REPS2: variants seen among roughly 807,000 people sequenced by gnomAD.
The protein encoded by REPS2 is RALBP1 associated Eps domain containing 2, also known as ralBP1-associated Eps domain-containing protein 2.
A neutral mutation model predicts 53.6 loss-of-function variants in REPS2; 23 were observed. The observed-to-expected ratio is 0.43, with a 90% CI of 0.31 to 0.61. The LOEUF is 0.61. Among genes scored for constraint, REPS2 ranks in the 20% least tolerant of loss-of-function variants. REPS2 has a pLI of 0.11. For missense variants in REPS2, 446 were observed against 534.9 expected (o/e 0.83, Z 1.64); for synonymous variants, 238 against 218.6 (o/e 1.09, Z -0.78).
intron 16 of REPS2, chrX:17,137,548 T>C (rs1294388705): frequency 8.9e-6 from 1 of 112,438 alleles, no homozygotes; most frequent in Non-Finnish European, 1.9e-5. Context: ...ATGAGAAAAT[T>C]GAGCCCTCTT....
chrX:17,129,044 C>T (rs2063257578), intron 14 of REPS2, among the ~76,000 whole-genome samples: 1 of 111,479 alleles, frequency 9.0e-6, no homozygotes, highest in Non-Finnish European at 1.9e-5. Context: ...TTTTTTCCCA[C>T]AAGAATCAGT....
At chrX:17,190,492 A>G in the REPS2 span, among the ~76,000 whole-genome samples, 2 of 112,345 alleles carry the variant, frequency 1.8e-5, no homozygotes, top group South Asian at 3.7e-4. Flanking sequence ...AAATGGGAAC[A>G]CATACCATGT....
chrX:17,179,483 C>A, the REPS2 span, among the ~76,000 whole-genome samples: 1 of 111,391 alleles, frequency 9.0e-6, no homozygotes, highest in East Asian at 2.8e-4. Flanking sequence ...CAGCTGACAC[C>A]AGCTTACCAA....
At chrX:17,171,030 T>G in the REPS2 span, among the ~76,000 whole-genome samples, 1 of 113,022 alleles carries the variant, frequency 8.8e-6, no homozygotes, top group African/African-American at 3.2e-5. Context: ...GCAGGGTGTT[T>G]GCCTATTGCC....
At chrX:16,990,079 A>G (rs2061143180) in intron 1 of REPS2, among the ~76,000 whole-genome samples, 2 of 112,375 alleles carry the variant, frequency 1.8e-5, no homozygotes, top group Non-Finnish European at 3.8e-5. Context: ...TGGTATATCC[A>G]TAGCATGGAA....
At chrX:16,954,805 C>CTTTTTTTT (rs58924467) in intron 1 of REPS2, among the ~76,000 whole-genome samples, 2 of 59,331 alleles carry the variant, frequency 3.4e-5, no homozygotes, top group Non-Finnish European at 2.9e-5. Context: ...TTATTTATAA[C>CTTTTTTTT]TTTTTTTTTT....
chrX:17,130,203 A>G (rs1431059716), intron 14 of REPS2, among the ~76,000 whole-genome samples: 1 of 111,477 alleles, frequency 9.0e-6, no homozygotes, highest in East Asian at 2.8e-4. Flanking sequence ...CAGGGAAAGC[A>G]GGGTGAGGGC....
rs1219675036 is a variant in REPS2 at position 16,969,596 on chromosome X, C to T, written c.273+22462C>T. Among the ~76,000 whole-genome samples, 15 of 109,973 alleles carry T rather than the reference C, an allele frequency of 1.4e-4. No homozygotes were observed. The East Asian group carries it at 1.5e-3, about 11-fold the overall frequency. ...CGAAAACCAGTCAGGCGTGGCGGCG[C>T]GCGCCTGCAATTGCAGGCACTCGGC... On this transcript the variant is annotated intron_variant, in intron 1 of 17. Coordinates refer to ENST00000357277, the MANE Select transcript of REPS2 (RefSeq NM_004726.3).
chrX:17,123,957 A>G (rs1399380723), intron 14 of REPS2, among the ~76,000 whole-genome samples: 1 of 112,806 alleles, frequency 8.9e-6, no homozygotes, highest in Non-Finnish European at 1.9e-5. Flanking sequence ...CCTAATGATA[A>G]TAGTAGCTGC....
At position 17,042,906 on chromosome X, in the gene REPS2, G is replaced by A. The variant is rs145298346; in HGVS notation, c.772-4441G>A. ...GACCTCCTGCGCTCAGGTGACTCTCGCACCTCAGCCTCCTGAGTAGCTGGA... is the reference window on the plus strand; with the variant it reads ...GACCTCCTGCGCTCAGGTGACTCTCACACCTCAGCCTCCTGAGTAGCTGGA... On this transcript the variant is annotated intron_variant, in intron 5 of 17. Coordinates refer to ENST00000357277, the MANE Select transcript of REPS2 (RefSeq NM_004726.3). Among the ~76,000 whole-genome samples the A allele has an allele frequency of 8.5e-3, 895 of 105,626 alleles. 7 individuals are homozygous for A. The highest frequency in any genetic ancestry group is 0.028 in the African/African-American group (851 of 30,210). The allele number at this position is 105,626 out of a possible 115,157, so 91.7% of individuals were successfully genotyped here. A position where few individuals can be genotyped will look rare whatever the true frequency, so the allele number is the denominator to read the frequency against.
At chrX:16,954,433 G>A (rs1011918258) in intron 1 of REPS2, among the ~76,000 whole-genome samples, 2 of 111,879 alleles carry the variant, frequency 1.8e-5, no homozygotes, top group African/African-American at 6.5e-5. Context: ...GAAGCAAGTC[G>A]CAAACATCAT....
At chrX:17,121,590 A>G (rs936169679) in intron 14 of REPS2, among the ~76,000 whole-genome samples, 2 of 112,681 alleles carry the variant, frequency 1.8e-5, no homozygotes, top group Non-Finnish European at 3.8e-5. Flanking sequence ...AGAATGTGCT[A>G]TTAGAAATGG....
At chrX:17,043,879 G>A (rs925470957) in intron 5 of REPS2, among the ~76,000 whole-genome samples, 2 of 112,474 alleles carry the variant, frequency 1.8e-5, no homozygotes, top group Non-Finnish European at 3.8e-5. Context: ...CCGTGGGTAC[G>A]GCAGGTACAT....
the REPS2 span, among the ~76,000 whole-genome samples, chrX:17,168,595 A>C: frequency 9.0e-6 from 1 of 111,656 alleles, no homozygotes; most frequent in South Asian, 3.8e-4. Context: ...GAGCACTCTT[A>C]TATTGGCTTG....
At chrX:17,135,616 C>T (rs1017043998) in intron 16 of REPS2, 4 of 381,238 alleles carry the variant, frequency 1.0e-5, no homozygotes, top group South Asian at 6.8e-5. Flanking sequence ...AAGGGGCAGG[C>T]GAGTCCTAGG....
At chrX:17,194,188 G>A in the REPS2 span, among the ~76,000 whole-genome samples, 5 of 111,734 alleles carry the variant, frequency 4.5e-5, no homozygotes, top group Non-Finnish European at 9.4e-5. Flanking sequence ...TTCTTCTTTT[G>A]TAAGTACAGA....
At chrX:16,969,136 G>T (rs1399750156) in intron 1 of REPS2, among the ~76,000 whole-genome samples, 1 of 110,348 alleles carries the variant, frequency 9.1e-6, no homozygotes, top group Non-Finnish European at 1.9e-5. Flanking sequence ...TGGGCGGCCG[G>T]GCAGAGACGC....
In REPS2 at chrX:17,150,984, A is replaced by G. The variant is rs1026769955; in HGVS notation, c.*3503A>G. The G allele has an allele frequency of 5.3e-5, 6 of 112,332 alleles. No homozygotes were observed. The highest frequency in any genetic ancestry group is 1.1e-4 in the Non-Finnish European group (6 of 53,237). The allele number at this position is 112,332 out of a possible 1,213,427, so 9.3% of individuals were successfully genotyped here. On this transcript the variant is annotated 3_prime_UTR_variant, in exon 18 of 18. Coordinates refer to ENST00000357277, the MANE Select transcript of REPS2 (RefSeq NM_004726.3). The stretch of plus-strand genomic sequence containing the variant: ...ATTTCTCTTAGATTGAAGTGACAGA[A>G]TCTGAAAGAAAAGAATATGATTGAG...
intron 14 of REPS2, among the ~76,000 whole-genome samples, chrX:17,121,167 ACTCCTTCATCCT>A (rs1428202240): frequency 1.8e-5 from 2 of 111,403 alleles, no homozygotes; most frequent in Non-Finnish European, 3.8e-5. Context: ...AAGAAGCCAG[ACTCCTTCATCCT>A]TGAAGGAGAG....
Sources: allele counts gnomAD v4.1 joint callset (sites outside exome capture counted in the v4.1 genomes callset), GRCh38; gene constraint gnomAD v4.1.1; transcripts MANE v1.5; gene names NCBI Gene and HGNC (gene_info 2026-07-23, HGNC 2026-07-21).